The following RPS6KA5 variants were observed in gnomAD, a reference collection of about 807,000 sequenced individuals.
RPS6KA5 encodes the protein ribosomal protein S6 kinase A5, also known as ribosomal protein S6 kinase alpha-5.
A neutral mutation model predicts 85.5 loss-of-function variants in RPS6KA5; 27 were observed. The observed-to-expected ratio is 0.32, with a 90% CI of 0.23 to 0.44. The LOEUF (loss-of-function observed/expected upper bound fraction) is 0.44. RPS6KA5 is among the 20% of genes least tolerant of loss of function. The pLI is 1.00. For synonymous variants in RPS6KA5, 334 were observed against 348.2 expected (o/e 0.96, Z 0.46); for missense variants, 811 against 980.9 (o/e 0.83, Z 2.31).
intron 2 of RPS6KA5, among the ~76,000 whole-genome samples, chr14:90,992,876 CTT>C (rs2040368112): frequency 6.6e-6 from 1 of 152,188 alleles, no homozygotes; most frequent in African/African-American, 2.4e-5. Flanking sequence ...GCATGTTAAA[CTT>C]TGAGGAACAT....
intron 4 of RPS6KA5, among the ~76,000 whole-genome samples, chr14:90,943,568 C>T (rs1453060375): frequency 6.6e-6 from 1 of 152,180 alleles, no homozygotes; most frequent in African/African-American, 2.4e-5. Flanking sequence ...ACTCTCCTGA[C>T]TAACCAGATC....
chr14:90,967,718 T>C (rs2039138818), intron 3 of RPS6KA5, among the ~76,000 whole-genome samples: 1 of 152,228 alleles, frequency 6.6e-6, no homozygotes, highest in Non-Finnish European at 1.5e-5. Context: ...AACTTGCTTT[T>C]AAAGATTTTT....
intron 14 of RPS6KA5, among the ~76,000 whole-genome samples, chr14:90,887,832 T>C (rs2034320887): frequency 6.7e-6 from 1 of 149,906 alleles, no homozygotes; most frequent in South Asian, 2.1e-4. Flanking sequence ...TATGGTGGCA[T>C]GTGCCTGTGG....
intron 14 of RPS6KA5, among the ~76,000 whole-genome samples, chr14:90,877,822 G>A (rs887927850): frequency 1.3e-5 from 2 of 152,134 alleles, no homozygotes; most frequent in Non-Finnish European, 2.9e-5. Flanking sequence ...AACTAGCTTC[G>A]GGATGGGCAA....
At chr14:91,045,969 T>G (rs551260013) in intron 1 of RPS6KA5, among the ~76,000 whole-genome samples, 1 of 152,244 alleles carries the variant, frequency 6.6e-6, no homozygotes, top group South Asian at 2.1e-4. Flanking sequence ...CCATCTGTGT[T>G]GCTTCCTTTG....
At chr14:91,054,317 G>GA (rs969121674) in intron 1 of RPS6KA5, among the ~76,000 whole-genome samples, 31 of 145,688 alleles carry the variant, frequency 2.1e-4, no homozygotes, top group Non-Finnish European at 3.0e-4. Flanking sequence ...AAATGAAAAA[G>GA]AAAAAAAAAA....
chr14:90,926,344 T>A (rs1306784630), intron 5 of RPS6KA5, among the ~76,000 whole-genome samples: 1 of 148,664 alleles, frequency 6.7e-6, no homozygotes. Flanking sequence ...TGAGCAGAGA[T>A]CGCACCATTC....
chr14:90,951,279 C>T (rs776280372), intron 3 of RPS6KA5, among the ~76,000 whole-genome samples: 1 of 151,828 alleles, frequency 6.6e-6, no homozygotes, highest in Non-Finnish European at 1.5e-5. Context: ...GTCAGGAGAT[C>T]GAGACCATCC....
chr14:91,056,430 G>C (rs766578968), intron 1 of RPS6KA5, among the ~76,000 whole-genome samples: 5 of 152,156 alleles, frequency 3.3e-5, no homozygotes, highest in Non-Finnish European at 7.3e-5. Flanking sequence ...AGAAGGCGGC[G>C]GTGTCTTTTC....
chr14:90,941,578 G>A (rs1054490224), intron 5 of RPS6KA5, among the ~76,000 whole-genome samples: 5 of 152,204 alleles, frequency 3.3e-5, no homozygotes, highest in Admixed American at 1.3e-4. Flanking sequence ...AGGCACAGCT[G>A]CCTATGTGAA....
chr14:91,030,328 T>C (rs1339934670), intron 1 of RPS6KA5, among the ~76,000 whole-genome samples: 2 of 152,062 alleles, frequency 1.3e-5, no homozygotes, highest in Non-Finnish European at 2.9e-5. Flanking sequence ...AAATGCAGAA[T>C]AATATATAAG....
intron 3 of RPS6KA5, among the ~76,000 whole-genome samples, chr14:90,975,766 T>C (rs1013956612): frequency 1.3e-5 from 2 of 152,338 alleles, no homozygotes; most frequent in African/African-American, 4.8e-5. Context: ...AACTGAACCA[T>C]TAAAACAGTC....
At chr14:90,983,759 A>ACTTT (rs943480580) in intron 2 of RPS6KA5, among the ~76,000 whole-genome samples, 6 of 150,228 alleles carry the variant, frequency 4.0e-5, no homozygotes, top group East Asian at 2.0e-4. Flanking sequence ...TTCTAAACAC[A>ACTTT]CTTTCTTTCT....
intron 10 of RPS6KA5, 111 bp downstream of exon 10, chr14:90,900,500 T>C: frequency 1.8e-6 from 2 of 1,142,726 alleles, no homozygotes; most frequent in Non-Finnish European, 2.4e-6. Context: ...TATCCCACTT[T>C]TAAAATTGCA....
At chr14:90,990,282 C>G (rs184506926) in intron 2 of RPS6KA5, among the ~76,000 whole-genome samples, 3 of 152,248 alleles carry the variant, frequency 2.0e-5, no homozygotes, top group Admixed American at 2.0e-4. Context: ...AAAAAATGTT[C>G]AACATCACTA....
intron 3 of RPS6KA5, among the ~76,000 whole-genome samples, chr14:90,974,495 TCCC>T (rs987548004): frequency 6.6e-6 from 1 of 152,230 alleles, no homozygotes; most frequent in Non-Finnish European, 1.5e-5. Context: ...TATTTCTGCA[TCCC>T]GTGAATCCAG....
At chr14:91,048,746 T>C (rs1595556210) in intron 1 of RPS6KA5, among the ~76,000 whole-genome samples, 1 of 152,188 alleles carries the variant, frequency 6.6e-6, no homozygotes, top group Non-Finnish European at 1.5e-5. Context: ...TAAATCATGA[T>C]GGGAGCTCAA....
chr14:90,921,550 G>C (rs1443361145), intron 6 of RPS6KA5, among the ~76,000 whole-genome samples: 1 of 152,154 alleles, frequency 6.6e-6, no homozygotes, highest in Non-Finnish European at 1.5e-5. Flanking sequence ...AGAATATCAA[G>C]AAGCAAACTA....
intron 5 of RPS6KA5, among the ~76,000 whole-genome samples, chr14:90,940,061 G>C (rs186248239): frequency 6.6e-6 from 1 of 152,280 alleles, no homozygotes; most frequent in East Asian, 1.9e-4. Flanking sequence ...ATTAGATCAA[G>C]TTTCAGAGGA....
Sources: gnomAD v4.1 joint callset for allele counts (sites outside exome capture counted in the v4.1 genomes callset) on GRCh38, gnomAD v4.1.1 for gene constraint, MANE v1.5 for transcripts, NCBI Gene and HGNC (gene_info 2026-07-23, HGNC 2026-07-21) for gene names.